Variants in TNFAIP8 observed in about 807,000 individuals in gnomAD.
The protein encoded by TNFAIP8 is tumor necrosis factor alpha-induced protein 8.
In TNFAIP8, 7 loss-of-function variants were observed where a neutral mutation model predicts 13.3. The observed-to-expected ratio is 0.52, with a 90% confidence interval of 0.30 to 0.99. The LOEUF (loss-of-function observed/expected upper bound fraction) is 0.99, where lower values mean the gene tolerates loss of function less well. Among genes scored for constraint, TNFAIP8 ranks in the 50% least tolerant of loss-of-function variants. The pLI is 0.07. For synonymous variants in TNFAIP8, 94 were observed against 87.6 expected, an observed-to-expected ratio of 1.07 and a Z score of -0.41; for missense variants, 258 against 236.9, an observed-to-expected ratio of 1.09 and a Z score of -0.58.
At chr5:119,277,031 G>A (rs778765305) in intron 1 of TNFAIP8, among the ~76,000 whole-genome samples, 3 of 151,898 alleles carry the variant, frequency 2.0e-5, no homozygotes, top group Non-Finnish European at 4.4e-5. Flanking sequence ...CCATAATACC[G>A]AATAATAAAA....
chr5:119,313,440 A>T (rs7701688), intron 1 of TNFAIP8, among the ~76,000 whole-genome samples: 13,754 of 152,152 alleles, frequency 0.09, 901 homozygotes, highest in African/African-American at 0.19. Flanking sequence ...TCTTGAGACC[A>T]CCATTGCCAG....
chr5:119,329,047 A>T (rs1750301500), intron 1 of TNFAIP8, among the ~76,000 whole-genome samples: 1 of 152,242 alleles, frequency 6.6e-6, no homozygotes, highest in Non-Finnish European at 1.5e-5. Context: ...ATAGGAAGAC[A>T]GACGTAGATG....
intron 1 of TNFAIP8, among the ~76,000 whole-genome samples, chr5:119,301,744 C>G (rs1164007977): frequency 6.6e-6 from 1 of 152,024 alleles, no homozygotes; most frequent in African/African-American, 2.4e-5. Context: ...AAAAAACAAC[C>G]AGGAATCAAC....
intron 1 of TNFAIP8, among the ~76,000 whole-genome samples, chr5:119,335,077 T>C (rs143797542): frequency 1.1e-4 from 17 of 152,160 alleles, no homozygotes; most frequent in Non-Finnish European, 1.8e-4. Context: ...CTGAGAACCG[T>C]AGTGGCAGAG....
intron 1 of TNFAIP8, 21 bp downstream of exon 1, chr5:119,356,142 G>C: frequency 6.4e-7 from 1 of 1,564,164 alleles, no homozygotes. Context: ...GGTTTCTCCT[G>C]GGGGCCGGCC....
chr5:119,392,898 C>A lies in TNFAIP8; in HGVS notation c.114C>A (p.Ile38=). 1 of 1,589,626 alleles carries A rather than the reference C, an allele frequency of 6.3e-7. No individual in the cohort carries two copies. The highest frequency in any genetic ancestry group is 8.6e-7 in the Non-Finnish European group (1 of 1,168,018). ...KILGKMVSKS[I]ATTLIDDTSS... is the part of the protein sequence containing the mutation. ...TGGGTAAAATGGTGTCCAAATCCAT[C>A]GCCACCACCTTAATAGACGACACAA... Residue 38 remains isoleucine, a synonymous_variant, in exon 2 of 2, where the codon ATC becomes ATA. Transcript: ENST00000504771.
At chr5:119,328,151 A>G (rs1449265239) in intron 1 of TNFAIP8, among the ~76,000 whole-genome samples, 1 of 152,200 alleles carries the variant, frequency 6.6e-6, no homozygotes, top group East Asian at 1.9e-4. Flanking sequence ...ATGACAATAT[A>G]CTTACATTGT....
At chr5:119,317,503 C>A (rs1030449495) in intron 1 of TNFAIP8, among the ~76,000 whole-genome samples, 2 of 150,796 alleles carry the variant, frequency 1.3e-5, no homozygotes, top group African/African-American at 4.9e-5. Context: ...AATCAGTTTT[C>A]TTTAATTTTG....
rs561532014 is a variant in TNFAIP8 at position 119,381,765 on chromosome 5, T to G, written c.32-11051T>G. ...GTGGCCAATATGGTGAAACCCCGTCTCTACTAAAAATACAAAATTAGTCGG... is the reference window on the plus strand; with the variant it reads ...GTGGCCAATATGGTGAAACCCCGTCGCTACTAAAAATACAAAATTAGTCGG... On this transcript the variant is annotated intron_variant, in intron 1 of 1. Transcript: ENST00000504771. Among the ~76,000 whole-genome samples, 15 of 152,046 alleles carry G rather than the reference T, an allele frequency of 9.9e-5. No homozygotes were observed. In the East Asian group the frequency reaches 2.7e-3, roughly 28 times the overall value.
At chr5:119,294,503 A>G (rs1313510615) in intron 1 of TNFAIP8, among the ~76,000 whole-genome samples, 1 of 152,234 alleles carries the variant, frequency 6.6e-6, no homozygotes. Flanking sequence ...GCCGCAATAA[A>G]CATACGTGTG....
chr5:119,305,003 T>TA (rs1433823651), intron 1 of TNFAIP8, among the ~76,000 whole-genome samples: 1 of 152,026 alleles, frequency 6.6e-6, no homozygotes, highest in African/African-American at 2.4e-5. Flanking sequence ...AAAGAGAAAA[T>TA]ACCACATTCC....
intron 1 of TNFAIP8, 132 bp downstream of exon 1, chr5:119,356,253 C>T (rs1427711737): frequency 9.1e-6 from 7 of 773,162 alleles, no homozygotes; most frequent in Non-Finnish European, 1.4e-5. Context: ...GCCTTCGAAG[C>T]CAAGTCGGAG....
intron 1 of TNFAIP8, among the ~76,000 whole-genome samples, chr5:119,278,352 G>GGAGA (rs1554167311): frequency 8.0e-4 from 99 of 123,198 alleles, no homozygotes; most frequent in Non-Finnish European, 1.3e-3. Flanking sequence ...ACAGGAAGGG[G>GGAGA]GAGAGAGAGA....
chr5:119,333,610 G>A (rs981636160), intron 1 of TNFAIP8: 4 of 1,535,446 alleles, frequency 2.6e-6, no homozygotes, highest in East Asian at 2.4e-5. Context: ...GATTGCACAC[G>A]GGGAGAAAAT....
At chr5:119,293,655 A>C (rs1284171329) in intron 1 of TNFAIP8, among the ~76,000 whole-genome samples, 1 of 152,220 alleles carries the variant, frequency 6.6e-6, no homozygotes, top group African/African-American at 2.4e-5. Context: ...ATTTACTAAA[A>C]ATCATTTAAT....
At chr5:119,284,333 T>A (rs984558697) in intron 1 of TNFAIP8, among the ~76,000 whole-genome samples, 7 of 151,936 alleles carry the variant, frequency 4.6e-5, no homozygotes, top group Non-Finnish European at 7.4e-5. Flanking sequence ...TCTTGAATAT[T>A]GTAGAACAGT....
chr5:119,345,023 A>G (rs1333929421), intron 1 of TNFAIP8, among the ~76,000 whole-genome samples: 1 of 152,190 alleles, frequency 6.6e-6, no homozygotes, highest in African/African-American at 2.4e-5. Context: ...TGGTCTCAGT[A>G]ATTTTTTTCA....
intron 1 of TNFAIP8, among the ~76,000 whole-genome samples, chr5:119,270,850 G>T (rs1191683649): frequency 6.6e-6 from 1 of 152,134 alleles, no homozygotes; most frequent in Non-Finnish European, 1.5e-5. Context: ...ATAAATCAGT[G>T]AATAAAACAA....
intron 1 of TNFAIP8, among the ~76,000 whole-genome samples, chr5:119,324,033 T>G (rs1052813146): frequency 2.6e-5 from 4 of 152,000 alleles, no homozygotes. Context: ...TTGGTTGCTG[T>G]TGTAATGACT....
Sources: allele counts gnomAD v4.1 joint callset (sites outside exome capture counted in the v4.1 genomes callset), GRCh38; gene constraint gnomAD v4.1.1; transcripts MANE v1.5; gene names NCBI Gene and HGNC (gene_info 2026-07-23, HGNC 2026-07-21).